The following HS6ST3 variants were observed in gnomAD, a reference collection of about 807,000 sequenced individuals.
HS6ST3 encodes the protein heparan sulfate 6-O-sulfotransferase 3.
Under a neutral mutation model 36.7 loss-of-function variants are expected in HS6ST3, and 12 were observed. The ratio of observed to expected loss-of-function variants is 0.33; its 90% CI spans 0.21 to 0.53. HS6ST3 has a LOEUF of 0.53. HS6ST3 is among the 20% of genes least tolerant of loss of function. HS6ST3 has a pLI of 0.95. For missense variants in HS6ST3, 584 were observed against 640.9 expected, an observed-to-expected ratio of 0.91 and a Z score of 0.96; for synonymous variants, 240 against 257.5, an observed-to-expected ratio of 0.93 and a Z score of 0.65.
chr13:96,616,956 A>C (rs1438734422), intron 1 of HS6ST3, among the ~76,000 whole-genome samples: 1 of 152,228 alleles, frequency 6.6e-6, no homozygotes, highest in Non-Finnish European at 1.5e-5. Context: ...AGTGGTTAAA[A>C]GGTCATCTCT....
At chr13:96,494,260 G>T (rs2055961477) in intron 1 of HS6ST3, among the ~76,000 whole-genome samples, 1 of 151,872 alleles carries the variant, frequency 6.6e-6, no homozygotes, top group Non-Finnish European at 1.5e-5. Context: ...GGATGAAGCT[G>T]GAAACCATCA....
At chr13:96,265,530 G>A (rs2054687906) in intron 1 of HS6ST3, among the ~76,000 whole-genome samples, 1 of 152,044 alleles carries the variant, frequency 6.6e-6, no homozygotes, top group Admixed American at 6.6e-5. Context: ...TAACACTCCA[G>A]CTATTTTATG....
chr13:96,393,722 G>A (rs911104860), intron 1 of HS6ST3, among the ~76,000 whole-genome samples: 23 of 152,154 alleles, frequency 1.5e-4, no homozygotes, highest in East Asian at 1.9e-4. Context: ...GAACTCAGCC[G>A]GCAGAGGCTG....
chr13:96,665,146 G>A (rs1358608332), intron 1 of HS6ST3, among the ~76,000 whole-genome samples: 1 of 151,984 alleles, frequency 6.6e-6, no homozygotes, highest in Admixed American at 6.6e-5. Flanking sequence ...ACTCCAGCCT[G>A]GGCAATAGAG....
At chr13:96,801,889 T>G (rs1289852615) in intron 1 of HS6ST3, among the ~76,000 whole-genome samples, 1 of 152,094 alleles carries the variant, frequency 6.6e-6, no homozygotes, top group Non-Finnish European at 1.5e-5. Flanking sequence ...TCATCTCACA[T>G]GAACAGAACT....
chr13:96,810,332 GAGA>G (rs1016356955), intron 1 of HS6ST3, among the ~76,000 whole-genome samples: 2 of 152,268 alleles, frequency 1.3e-5, no homozygotes, highest in African/African-American at 4.8e-5. Flanking sequence ...GGGTAGAAGA[GAGA>G]AGAAGGAAGC....
intron 1 of HS6ST3, among the ~76,000 whole-genome samples, chr13:96,305,845 T>G (rs2054909747): frequency 6.7e-6 from 1 of 149,836 alleles, no homozygotes; most frequent in Non-Finnish European, 1.5e-5. Context: ...CCCCCTTAGT[T>G]AATTTTTTTT....
At chr13:96,118,815 A>G (rs2053911197) in intron 1 of HS6ST3, among the ~76,000 whole-genome samples, 2 of 140,740 alleles carry the variant, frequency 1.4e-5, no homozygotes, top group Non-Finnish European at 3.0e-5. Context: ...GGTTCACGCC[A>G]TTCTCCTGCC....
At chr13:96,639,754 C>G (rs2056563513) in intron 1 of HS6ST3, among the ~76,000 whole-genome samples, 2 of 152,006 alleles carry the variant, frequency 1.3e-5, no homozygotes, top group East Asian at 1.9e-4. Context: ...TTTATGTCCT[C>G]AAATACCCAT....
At chr13:96,184,937 A>G (rs1242632491) in intron 1 of HS6ST3, among the ~76,000 whole-genome samples, 2 of 152,148 alleles carry the variant, frequency 1.3e-5, no homozygotes, top group African/African-American at 2.4e-5. Flanking sequence ...AACATGGTAG[A>G]TATTCAGTGA....
rs913430201 is a variant in HS6ST3, at chr13:96,449,358, G to A, written c.707+357789G>A. Among the ~76,000 whole-genome samples, 9 of 152,148 alleles carry A rather than the reference G, an allele frequency of 5.9e-5. No individual in the cohort carries two copies. The East Asian group carries it at 1.5e-3, about 26-fold the overall frequency. On this transcript the variant is annotated intron_variant, in intron 1 of 1. Transcript: ENST00000376705. ...CACTCCAGGAAGATACTGCCAAGGCGCTCCTTCTGACATCTACATGCCAGT... is the reference window on the plus strand; with the variant it reads ...CACTCCAGGAAGATACTGCCAAGGCACTCCTTCTGACATCTACATGCCAGT...
At chr13:96,563,175 A>G (rs1413268873) in intron 1 of HS6ST3, among the ~76,000 whole-genome samples, 4 of 152,210 alleles carry the variant, frequency 2.6e-5, no homozygotes, top group Admixed American at 6.5e-5. Context: ...TATTTTAATA[A>G]AAAGAATCCA....
intron 1 of HS6ST3, among the ~76,000 whole-genome samples, chr13:96,765,247 T>C (rs1877075626): frequency 6.6e-6 from 1 of 152,014 alleles, no homozygotes; most frequent in African/African-American, 2.4e-5. Flanking sequence ...TAATTTTTTG[T>C]ATTTTTAGTA....
chr13:96,095,992 T>C (rs531157497), intron 1 of HS6ST3, among the ~76,000 whole-genome samples: 2 of 151,838 alleles, frequency 1.3e-5, no homozygotes, highest in African/African-American at 2.4e-5. Flanking sequence ...CAATTGTAGG[T>C]GCAAATACAT....
chr13:96,770,119 T>C (rs956491743), intron 1 of HS6ST3, among the ~76,000 whole-genome samples: 6 of 152,172 alleles, frequency 3.9e-5, no homozygotes, highest in African/African-American at 1.4e-4. Context: ...GGGACAGATA[T>C]TCTCATTAAC....
intron 1 of HS6ST3, among the ~76,000 whole-genome samples, chr13:96,691,003 A>T (rs1334091265): frequency 6.6e-6 from 1 of 152,076 alleles, no homozygotes; most frequent in Non-Finnish European, 1.5e-5. Context: ...TCCCATAGAG[A>T]ATTCATCACA....
At chr13:96,505,017 C>G (rs1566380417) in intron 1 of HS6ST3, among the ~76,000 whole-genome samples, 1 of 152,130 alleles carries the variant, frequency 6.6e-6, no homozygotes. Flanking sequence ...GTTACACACT[C>G]AAGTGCTGAT....
chr13:96,481,645 A>T (rs1020578770), intron 1 of HS6ST3, among the ~76,000 whole-genome samples: 12 of 152,098 alleles, frequency 7.9e-5, no homozygotes, highest in Admixed American at 7.2e-4. Context: ...CAGAAAACTC[A>T]TGCAGTGCCG....
chr13:96,442,130 T>A (rs2055674606), intron 1 of HS6ST3, among the ~76,000 whole-genome samples: 1 of 151,810 alleles, frequency 6.6e-6, no homozygotes, highest in African/African-American at 2.4e-5. Flanking sequence ...CAGGTGATCC[T>A]CCCACCTCAG....
Sources: allele counts gnomAD v4.1 joint callset (sites outside exome capture counted in the v4.1 genomes callset), GRCh38; gene constraint gnomAD v4.1.1; transcripts MANE v1.5; gene names NCBI Gene and HGNC (gene_info 2026-07-23, HGNC 2026-07-21).